The following SLC5A11 variants were observed in gnomAD, a reference collection of about 807,000 sequenced individuals.
SLC5A11 encodes the protein solute carrier family 5 member 11.
In SLC5A11, 48 loss-of-function variants were observed where a neutral mutation model predicts 69.8. The ratio of observed to expected loss-of-function variants is 0.69; its 90% CI spans 0.55 to 0.87. The LOEUF is 0.87. SLC5A11 is among the 40% of genes least tolerant of loss of function. The probability of loss-of-function intolerance (pLI) is 0.00; values close to 1 mark genes in which losing one functional copy is unlikely to be tolerated. For missense variants in SLC5A11, 784 were observed against 866.1 expected, an observed-to-expected ratio of 0.91 and a Z score of 1.19; for synonymous variants, 319 against 342.4, an observed-to-expected ratio of 0.93 and a Z score of 0.75.
intron 3 of SLC5A11, among the ~76,000 whole-genome samples, chr16:24,868,896 G>A (rs1434959757): frequency 4.1e-5 from 6 of 146,830 alleles, no homozygotes; most frequent in Admixed American, 2.7e-4. Context: ...TTTTGAGACG[G>A]AGTCTCTGTC....
chr16:24,877,630 A>T (rs1003820856), intron 7 of SLC5A11, among the ~76,000 whole-genome samples: 1 of 152,206 alleles, frequency 6.6e-6, no homozygotes, highest in Non-Finnish European at 1.5e-5. Context: ...CAGGTGGATC[A>T]CTTGAGGCCA....
intron 5 of SLC5A11, among the ~76,000 whole-genome samples, chr16:24,872,714 A>G (rs1370998053): frequency 6.6e-6 from 1 of 150,788 alleles, no homozygotes; most frequent in East Asian, 2.0e-4. Flanking sequence ...AAATACAAAA[A>G]TCCTGCCATG....
chr16:24,865,723 G>A (rs2046876940), intron 3 of SLC5A11, among the ~76,000 whole-genome samples: 1 of 151,930 alleles, frequency 6.6e-6, no homozygotes, highest in Non-Finnish European at 1.5e-5. Flanking sequence ...TTCTTTTAAT[G>A]AGAAAATTCA....
At chr16:24,863,536 C>T (rs1195683675) in intron 3 of SLC5A11, among the ~76,000 whole-genome samples, 7 of 152,086 alleles carry the variant, frequency 4.6e-5, no homozygotes, top group East Asian at 1.9e-4. Context: ...ATTACAGGCC[C>T]GCACAGTTTC....
chr16:24,909,643 CAAAAAAA>C lies in SLC5A11; in HGVS notation c.1650+564_1650+570del, dbSNP rs35334841. Among the ~76,000 whole-genome samples the C allele has an allele frequency of 6.5e-4, 32 of 48,906 alleles. No individual in the cohort carries two copies. The East Asian group carries it at 7.9e-3, about 12-fold the overall frequency. 32.1% of individuals were successfully genotyped at this position (48,906 alleles called of 152,430 possible). On this transcript the variant is annotated intron_variant, in intron 14 of 15. Coordinates refer to ENST00000347898, the Ensembl canonical transcript of SLC5A11. ...GGTGACAGAGCAAGACCCTGTCTCA[CAAAAAAA>C]AAAAAAAAAAAAAAAAGGAAAAGAA...
At chr16:24,852,725 C>T (rs964798201) in intron 1 of SLC5A11, among the ~76,000 whole-genome samples, 12 of 152,308 alleles carry the variant, frequency 7.9e-5, no homozygotes, top group Middle Eastern at 3.4e-3. Context: ...GCCAAGTCTA[C>T]GCTTCTCATT....
intron 9 of SLC5A11, among the ~76,000 whole-genome samples, chr16:24,892,639 G>A (rs948200021): frequency 2.0e-5 from 3 of 152,194 alleles, no homozygotes; most frequent in African/African-American, 2.4e-5. Context: ...AATATATCAC[G>A]TGTTCAAATA....
At chr16:24,877,301 A>T (rs1481151147) in exon 7 of SLC5A11, 1 of 1,614,084 alleles carries the variant, frequency 6.2e-7, no homozygotes, top group South Asian at 1.1e-5. Flanking sequence ...CAGTCTTTGC[A>T]CCTGGATCTG....
chr16:24,858,637 C>T, exon 2 of SLC5A11: 1 of 1,606,838 alleles, frequency 6.2e-7, no homozygotes, highest in Non-Finnish European at 8.5e-7. Context: ...AGGTCTCGTT[C>T]AGGACCATGG....
intron 6 of SLC5A11, 42 bp downstream of exon 7, chr16:24,875,773 G>GT: frequency 2.7e-6 from 4 of 1,504,910 alleles, no homozygotes; most frequent in Non-Finnish European, 3.7e-6. Flanking sequence ...TGCAGCATGG[G>GT]GAGAAGATAA....
intron 9 of SLC5A11, among the ~76,000 whole-genome samples, chr16:24,894,150 G>T (rs576224510): frequency 1.3e-5 from 2 of 152,222 alleles, no homozygotes; most frequent in African/African-American, 4.8e-5. Context: ...AGAGCTGGTG[G>T]GGGGATTCAC....
At chr16:24,847,164 T>G (rs1460775035) in intron 1 of SLC5A11, among the ~76,000 whole-genome samples, 1 of 152,052 alleles carries the variant, frequency 6.6e-6, no homozygotes, top group African/African-American at 2.4e-5. Flanking sequence ...TTTTCCTTTC[T>G]TTTCTTTGTT....
chr16:24,891,217 C>T, intron 9 of SLC5A11, 143 bp downstream of exon 10: 1 of 714,886 alleles, frequency 1.4e-6, no homozygotes, highest in East Asian at 2.7e-5. Context: ...CTTTCCATTG[C>T]TCTACATGCT....
chr16:24,880,372 C>T (rs186733060), intron 7 of SLC5A11, among the ~76,000 whole-genome samples: 6 of 152,154 alleles, frequency 3.9e-5, no homozygotes, highest in Admixed American at 2.0e-4. Flanking sequence ...GAGACTTACT[C>T]TTTCATGGCT....
In SLC5A11 at chr16:24,856,550, G is replaced by A. The variant is rs192928073; in HGVS notation, c.-24-2070G>A. On this transcript the variant is annotated intron_variant, in intron 1 of 15. Coordinates refer to ENST00000347898, the Ensembl canonical transcript of SLC5A11. Reference sequence around the variant, plus strand: ...GGGTGGATCACGAGGTCAGGAGATCGAGACCATCCTGGCTAACACGGTGAA... The same window carrying A: ...GGGTGGATCACGAGGTCAGGAGATCAAGACCATCCTGGCTAACACGGTGAA... Among the ~76,000 whole-genome samples, 1,390 of 144,406 alleles carry A rather than the reference G, an allele frequency of 9.6e-3. 44 individuals carry two copies. The highest frequency in any genetic ancestry group is 0.036 in the Admixed American group (492 of 13,808). The allele number at this position is 144,406 out of a possible 152,430, so 94.7% of individuals were successfully genotyped here.
At chr16:24,891,496 A>T (rs375468877) in intron 9 of SLC5A11, among the ~76,000 whole-genome samples, 22 of 151,520 alleles carry the variant, frequency 1.5e-4, no homozygotes, top group East Asian at 1.2e-3. Flanking sequence ...TATTATTATT[A>T]TTTTTTAGTA....
intron 15 of SLC5A11, 74 bp from the exon 17 acceptor site, chr16:24,911,254 G>A: frequency 7.0e-7 from 1 of 1,427,048 alleles, no homozygotes; most frequent in South Asian, 1.2e-5. Context: ...AACACATCTG[G>A]TGAGTGTCCC....
chr16:24,870,066 G>A, intron 4 of SLC5A11, 61 bp downstream of exon 5: 1 of 1,238,908 alleles, frequency 8.1e-7, no homozygotes, highest in Non-Finnish European at 1.2e-6. Context: ...TAGATCTCAG[G>A]GGAAAGTTGT....
At chr16:24,852,642 C>G (rs945186633) in intron 1 of SLC5A11, among the ~76,000 whole-genome samples, 1 of 152,144 alleles carries the variant, frequency 6.6e-6, no homozygotes, top group South Asian at 2.1e-4. Flanking sequence ...AAAGGGTGCC[C>G]GGGGTCACTT....
Sources: gnomAD v4.1 joint callset for allele counts (sites outside exome capture counted in the v4.1 genomes callset) on GRCh38, gnomAD v4.1.1 for gene constraint, MANE v1.5 for transcripts, NCBI Gene and HGNC (gene_info 2026-07-23, HGNC 2026-07-21) for gene names.